RCL1: variants seen among roughly 807,000 people sequenced by gnomAD.
RCL1 encodes the protein RNA terminal phosphate cyclase like 1.
A neutral mutation model predicts 42.4 loss-of-function variants in RCL1; 24 were observed. The ratio of observed to expected loss-of-function variants is 0.57; its 90% CI spans 0.41 to 0.80. The LOEUF is 0.80. Ranked by LOEUF, RCL1 falls within the 30% of genes least tolerant of loss-of-function variation. The probability of loss-of-function intolerance (pLI) is 0.00; values close to 1 mark genes in which losing one functional copy is unlikely to be tolerated. For missense variants in RCL1, 578 were observed against 467.9 expected (o/e 1.24, Z -2.17); for synonymous variants, 228 against 177.3 (o/e 1.29, Z -2.27).
intron 1 of RCL1, among the ~76,000 whole-genome samples, chr9:4,810,024 C>T (rs1318850408): frequency 2.0e-5 from 3 of 152,152 alleles, no homozygotes; most frequent in Non-Finnish European, 4.4e-5. Flanking sequence ...ACCATGTTGG[C>T]CAGGCTGGTC....
intron 6 of RCL1, 43 bp downstream of exon 6, chr9:4,841,400 A>G: frequency 6.5e-7 from 1 of 1,528,510 alleles, no homozygotes; most frequent in Non-Finnish European, 9.0e-7. Flanking sequence ...CAGCTTTTTC[A>G]CATGCCTGTT....
At chr9:4,859,830 T>G (rs1030713722) in intron 8 of RCL1, among the ~76,000 whole-genome samples, 3 of 152,198 alleles carry the variant, frequency 2.0e-5, no homozygotes, top group African/African-American at 7.2e-5. Context: ...CATATTTCTG[T>G]CCATTTTCTG....
intron 1 of RCL1, among the ~76,000 whole-genome samples, chr9:4,817,912 A>ATTTTTTTTTTTTTT (rs66886360): frequency 5.1e-5 from 4 of 78,362 alleles, no homozygotes; most frequent in Non-Finnish European, 6.7e-5. Context: ...CTTTTCTAAG[A>ATTTTTTTTTTTTTT]TTTTTTTTTT....
Position 4,847,551 on chromosome 9 carries a change from C to T in RCL1, c.868-1896C>T, listed in dbSNP as rs559308362. Among the ~76,000 whole-genome samples, 3 of 152,316 alleles carry T rather than the reference C, an allele frequency of 2.0e-5. No individual in the cohort carries two copies. In the South Asian group the frequency reaches 6.2e-4, roughly 32 times the overall value. ...GCTCTAATCACTGCCTGCCTCCCTG[C>T]TCCACTCCACAACTGGATTATGGCC... On this transcript the variant is annotated intron_variant, in intron 7 of 8. Transcript: ENST00000381750.
chr9:4,799,893 G>A (rs144457415), intron 1 of RCL1, among the ~76,000 whole-genome samples: 45 of 152,266 alleles, frequency 3.0e-4, no homozygotes, highest in Non-Finnish European at 5.3e-4. Context: ...CATGGTCACC[G>A]TGGTAGGCAT....
At chr9:4,851,191 C>T (rs902658971) in intron 8 of RCL1, among the ~76,000 whole-genome samples, 1 of 152,118 alleles carries the variant, frequency 6.6e-6, no homozygotes, top group Non-Finnish European at 1.5e-5. Context: ...TCTTTTCTTC[C>T]AGAAAACTTG....
Position 4,827,198 on chromosome 9 carries a change from A to T in RCL1, c.384+165A>T, listed in dbSNP as rs1162728221. 3.2e-6 allele frequency: 5 copies of T among 1,539,320 alleles called. No individual in the cohort carries two copies. The East Asian group carries it at 1.2e-4, about 38-fold the overall frequency. ...GTTAATCACTCCAGGAGGCAGATGA[A>T]CCAAAACTTAGGATCATCAAATTCA... On this transcript the variant is annotated intron_variant, in intron 3 of 8. Transcript: ENST00000381750.
intron 8 of RCL1, among the ~76,000 whole-genome samples, chr9:4,851,588 A>G (rs7865656): frequency 0.061 from 9,216 of 152,242 alleles, 393 homozygotes; most frequent in African/African-American, 0.13. Context: ...GAGGACCATC[A>G]TGGTGGGGGA....
intron 8 of RCL1, among the ~76,000 whole-genome samples, chr9:4,854,656 C>T (rs946366640): frequency 2.0e-5 from 3 of 152,168 alleles, no homozygotes; most frequent in Non-Finnish European, 4.4e-5. Context: ...TGGGATCTGG[C>T]AGCCTGTCAA....
At chr9:4,844,821 C>T (rs1381675136) in intron 7 of RCL1, 140 bp downstream of exon 7, 2 of 787,170 alleles carry the variant, frequency 2.5e-6, no homozygotes, top group African/African-American at 1.7e-5. Context: ...GCAGTTCAGC[C>T]TTAACTAGTT....
At chr9:4,840,763 G>C (rs1817290161) in intron 5 of RCL1, among the ~76,000 whole-genome samples, 1 of 152,212 alleles carries the variant, frequency 6.6e-6, no homozygotes, top group Admixed American at 6.5e-5. Context: ...GAGTCAGATT[G>C]GGATCGCCCA....
Position 4,823,639 on chromosome 9 carries a change from C to A in RCL1, c.208+20C>A. On this transcript the variant is annotated intron_variant, in intron 2 of 8. Transcript: ENST00000381750. ...AAACAGGTAAGCTCCTTTTAGATTC[C>A]TAAAAGCACCTCCATGCACTAAAGC... 1.3e-6 allele frequency: 2 copies of A among 1,557,938 alleles called. No homozygotes were observed. The highest frequency in any genetic ancestry group is 1.1e-5 in the South Asian group (1 of 87,914).
intron 2 of RCL1, among the ~76,000 whole-genome samples, chr9:4,824,756 G>C (rs1816704667): frequency 6.6e-6 from 1 of 152,144 alleles, no homozygotes; most frequent in African/African-American, 2.4e-5. Context: ...GCTGCATTCA[G>C]CCATATCTTA....
At chr9:4,844,785 G>C (rs1228760937) in intron 7 of RCL1, 104 bp downstream of exon 7, 10 of 1,164,112 alleles carry the variant, frequency 8.6e-6, no homozygotes, top group Non-Finnish European at 1.2e-5. Context: ...CTCAAGCCAA[G>C]GAGATAATCT....
At position 4,860,185 on chromosome 9, in the gene RCL1, G is replaced by A; in HGVS notation, c.1032G>A (p.Lys344=). The A allele has an allele frequency of 2.5e-6, 4 of 1,611,854 alleles. No individual in the cohort carries two copies. In the South Asian group the frequency reaches 4.4e-5, roughly 18 times the overall value. The change falls in exon 9 of 9, where the codon AAG becomes AAA. Residue 344 remains lysine (K), a synonymous_variant. Transcript: ENST00000381750. ...FFQIMFKIET[K]PCGEELKGGD... is the part of the protein sequence containing the mutation. ...AGATTATGTTTAAAATTGAAACCAA[G>A]CCATGTGGTGAAGAACTCAAGGGTG...
At chr9:4,844,380 C>A (rs1817437244) in intron 6 of RCL1, 145 bp from the exon 7 acceptor site, 2 of 555,350 alleles carry the variant, frequency 3.6e-6, no homozygotes, top group Non-Finnish European at 3.2e-6. Context: ...AAACTAGTAG[C>A]AACTCTATGA....
intron 1 of RCL1, among the ~76,000 whole-genome samples, chr9:4,813,442 C>T (rs1816253212): frequency 6.6e-6 from 1 of 152,184 alleles, no homozygotes; most frequent in African/African-American, 2.4e-5. Context: ...AAAAAATGTT[C>T]ATCATCACTG....
At chr9:4,809,496 G>T (rs1816095988) in intron 1 of RCL1, among the ~76,000 whole-genome samples, 1 of 152,068 alleles carries the variant, frequency 6.6e-6, no homozygotes, top group Non-Finnish European at 1.5e-5. Context: ...TTTTAGTAGA[G>T]ACGGGATTTC....
chr9:4,833,777 GT>G (rs1563846532), intron 4 of RCL1, among the ~76,000 whole-genome samples: 1 of 152,164 alleles, frequency 6.6e-6, no homozygotes, highest in African/African-American at 2.4e-5. Flanking sequence ...ATTTAATAAT[GT>G]TTTGGTAGAT....
Sources: allele counts gnomAD v4.1 joint callset (sites outside exome capture counted in the v4.1 genomes callset), GRCh38; gene constraint gnomAD v4.1.1; transcripts MANE v1.5; gene names NCBI Gene and HGNC (gene_info 2026-07-23, HGNC 2026-07-21).